LRRC19: variants seen among roughly 807,000 people sequenced by gnomAD.
LRRC19 encodes the protein leucine rich repeat containing 19.
Under a neutral mutation model 33.3 loss-of-function variants are expected in LRRC19, and 33 were observed. That is an observed-to-expected ratio of 0.99 (90% CI 0.75 to 1.33). The LOEUF (loss-of-function observed/expected upper bound fraction) is 1.33, where lower values mean the gene tolerates loss of function less well. LRRC19 is among the 40% of genes most tolerant of loss of function. The pLI, the probability that LRRC19 is intolerant of heterozygous loss-of-function variation, is 0.00. For missense variants in LRRC19, 463 were observed against 417.3 expected (o/e 1.11, Z -0.95); for synonymous variants, 184 against 152.3 (o/e 1.21, Z -1.53).
rs200038799 is a variant in LRRC19 at position 26,997,862 on chromosome 9, C to T, written c.461G>A (p.Gly154Asp). ...TACATCCAAATAGCTAATCAAATTG[C>T]CTTGCAGATTCAGAAGTTTTAGGCT... ...LRSLKLLNLQ[G>D]NLISYLDVPP... Residue 154 changes from glycine (G) to aspartate (D), a missense_variant, in exon 3 of 5, where the codon GGC becomes GAC. Coordinates refer to ENST00000380055, the MANE Select transcript of LRRC19 (RefSeq NM_022901.3). 2.5e-4 allele frequency: 407 copies of T among 1,614,006 alleles called. No individual in the cohort carries two copies. Among genetic ancestry groups the T allele is most frequent in the Non-Finnish European group, 3.3e-4 (392 of 1,180,012 alleles).
Position 27,004,126 on chromosome 9 carries a change from G to A in LRRC19, c.-10+1466C>T, listed in dbSNP as rs116948667. Among the ~76,000 whole-genome samples, 73 of 152,278 alleles carry A rather than the reference G, an allele frequency of 4.8e-4. 1 individual carries two copies. The highest frequency in any genetic ancestry group is 6.8e-3 in the Middle Eastern group (2 of 294). On this transcript the variant is annotated intron_variant, in intron 1 of 4. Coordinates refer to ENST00000380055, the MANE Select transcript of LRRC19 (RefSeq NM_022901.3). ...AGTTAAAAGTTGATATGAAATAGAA[G>A]CAGGTGAAAAAAGTAATGGAGGCAA... is the stretch of plus-strand genomic sequence containing the variant.
At chr9:27,004,607 T>G (rs138393266) in intron 1 of LRRC19, among the ~76,000 whole-genome samples, 65 of 152,340 alleles carry the variant, frequency 4.3e-4, no homozygotes, top group African/African-American at 1.4e-3. Context: ...ATGCAGAAAT[T>G]ATCCATCAGT....
In LRRC19 at chr9:26,995,683, T is replaced by C; in HGVS notation, c.951A>G (p.Glu317=). Residue 317 remains glutamate (E), a synonymous_variant, in exon 5 of 5, where the codon GAA becomes GAG. Coordinates refer to ENST00000380055, the MANE Select transcript of LRRC19 (RefSeq NM_022901.3). The stretch of plus-strand genomic sequence containing the variant: ...AGCTTGGATTTCCAGTAAAACCATC[T>C]TCATAGGTTTCTGCTTCATGCTCTT... ...RLEEHEAETY[E]DGFTGNPSSL... 1.2e-6 allele frequency: 2 copies of C among 1,613,946 alleles called. No homozygotes were observed. Among genetic ancestry groups the C allele is most frequent in the Non-Finnish European group, 1.7e-6 (2 of 1,179,900 alleles).
At chr9:27,001,610 G>A (rs1477999730) in intron 1 of LRRC19, among the ~76,000 whole-genome samples, 1 of 152,094 alleles carries the variant, frequency 6.6e-6, no homozygotes, top group East Asian at 1.9e-4. Flanking sequence ...TGTGTTTTTT[G>A]AGAAATATCT....
rs1828165440 is a variant in LRRC19, at chr9:26,996,492, C to G, written c.603G>C (p.Glu201Asp). The change falls in exon 4 of 5, where the codon GAG (glutamate) becomes GAC (aspartate). Residue 201 changes from glutamate (E) to aspartate (D), a missense_variant. Physicochemically the swap from Glu to Asp is conservative, Grantham distance 45. Coordinates refer to ENST00000380055, the MANE Select transcript of LRRC19 (RefSeq NM_022901.3). ...LNTSNVTLEN[E>D]NITMCSYPNS... ...TGGGGTAGCTACACATGGTGATGTT[C>G]TCATTTTCTAGTAAATCAGAAAGAA... The G allele has an allele frequency of 7.0e-7, 1 of 1,435,062 alleles. No homozygotes were observed. The highest frequency in any genetic ancestry group is 1.4e-5 in the African/African-American group (1 of 69,710). 88.9% of individuals were successfully genotyped at this position (1,435,062 alleles called of 1,614,324 possible). A position where few individuals can be genotyped will look rare whatever the true frequency, so the allele number is the denominator to read the frequency against.
intron 1 of LRRC19, among the ~76,000 whole-genome samples, chr9:27,004,301 A>G (rs1413095196): frequency 6.6e-6 from 1 of 152,192 alleles, no homozygotes; most frequent in Non-Finnish European, 1.5e-5. Context: ...TTTCCTTTCC[A>G]TTGGATAGAT....
At position 26,995,706 on chromosome 9, in the gene LRRC19, C is replaced by G. The variant is rs1828115614; in HGVS notation, c.928G>C (p.Glu310Gln). 1 of 1,613,836 alleles carries G rather than the reference C, an allele frequency of 6.2e-7. No homozygotes were observed. Among genetic ancestry groups the G allele is most frequent in the Non-Finnish European group, 8.5e-7 (1 of 1,179,890 alleles). Reference sequence around the variant, plus strand: ...TCTTCATAGGTTTCTGCTTCATGCTCTTCCAGGCGATGATGATTATAACTA... The same window carrying G: ...TCTTCATAGGTTTCTGCTTCATGCTGTTCCAGGCGATGATGATTATAACTA... ...LLSYNHHRLE[E>Q]HEAETYEDGF... Residue 310 changes from glutamate (E) to glutamine (Q), a missense_variant, in exon 5 of 5, where the codon GAG becomes CAG. By Grantham distance (29) the Glu-to-Gln change is conservative (BLOSUM62 2). Coordinates refer to ENST00000380055, the MANE Select transcript of LRRC19 (RefSeq NM_022901.3).
chr9:26,995,957 A>G (rs558916532), intron 4 of LRRC19, 108 bp from the exon 5 acceptor site: 2 of 797,560 alleles, frequency 2.5e-6, no homozygotes, highest in East Asian at 2.7e-5. Flanking sequence ...AAAAATAAAC[A>G]TACATTGTAG....
chr9:27,003,936 A>G (rs1450078824), intron 1 of LRRC19, among the ~76,000 whole-genome samples: 1 of 152,212 alleles, frequency 6.6e-6, no homozygotes, highest in Non-Finnish European at 1.5e-5. Context: ...GGCTTGTTTC[A>G]GTATTTCTCA....
chr9:26,999,428 G>A (rs891765484), intron 2 of LRRC19, among the ~76,000 whole-genome samples, 186 bp downstream of exon 2: 30 of 152,058 alleles, frequency 2.0e-4, no homozygotes, highest in Admixed American at 1.2e-3. Context: ...AACTTTTAAA[G>A]AACTCAGTTT....
chr9:26,996,586 A>G, intron 3 of LRRC19, 87 bp from the exon 4 acceptor site: 1 of 962,422 alleles, frequency 1.0e-6, no homozygotes, highest in East Asian at 3.1e-5. Flanking sequence ...AATTTTTGAC[A>G]TATTTGTCAT....
rs146276366 is a variant in LRRC19, at chr9:27,005,296, T to C, written c.-10+296A>G. ...AGTGTCACTTCAGAATGCTCTGTGATTAACATATTTTAAAATAAAAATTCT... is the reference window on the plus strand; with the variant it reads ...AGTGTCACTTCAGAATGCTCTGTGACTAACATATTTTAAAATAAAAATTCT... On this transcript the variant is annotated intron_variant, in intron 1 of 4. Transcript: ENST00000380055. 1.4e-4 allele frequency among the ~76,000 whole-genome samples: 21 copies of C among 149,408 alleles called. No homozygotes were observed. In the East Asian group the frequency reaches 3.8e-3, roughly 27 times the overall value.
In LRRC19 at chr9:27,002,830, G is replaced by A. The variant is rs75058784; in HGVS notation, c.-10+2762C>T. On this transcript the variant is annotated intron_variant, in intron 1 of 4. Transcript: ENST00000380055. ...TTTTTTTTCTACTTCTATGAAGAGC[G>A]TCACTGTATTTTGATAGGAATTGCA... Among the ~76,000 whole-genome samples, 1,441 of 152,168 alleles carry A rather than the reference G, an allele frequency of 9.5e-3. 22 individuals are homozygous for A. The highest frequency in any genetic ancestry group is 0.029 in the African/African-American group (1,217 of 41,510).
intron 2 of LRRC19, among the ~76,000 whole-genome samples, chr9:26,999,013 A>ATCAG (rs1174313198): frequency 3.9e-5 from 6 of 152,180 alleles, no homozygotes; most frequent in Admixed American, 3.9e-4. Context: ...CAATCAATCA[A>ATCAG]TCAGTCTGAA....
At chr9:26,996,547 TAAC>T (rs771104494) in intron 3 of LRRC19, 48 bp from the exon 4 acceptor site, 11 of 1,203,204 alleles carry the variant, frequency 9.1e-6, no homozygotes, top group Non-Finnish European at 1.1e-5. Context: ...AAATAATAGT[TAAC>T]AACATTTTAT....
At chr9:27,004,497 C>T (rs768168782) in intron 1 of LRRC19, among the ~76,000 whole-genome samples, 1 of 152,196 alleles carries the variant, frequency 6.6e-6, no homozygotes, top group Admixed American at 6.5e-5. Flanking sequence ...TGTCGATTAT[C>T]ATGACACTGA....
chr9:26,995,895 G>T, intron 4 of LRRC19, 46 bp from the exon 5 acceptor site: 1 of 1,368,414 alleles, frequency 7.3e-7, no homozygotes, highest in Non-Finnish European at 1.0e-6. Context: ...AATTTGTTAA[G>T]TTGGCAAAAT....
intron 1 of LRRC19, among the ~76,000 whole-genome samples, chr9:27,003,678 C>T (rs1828624269): frequency 6.6e-6 from 1 of 152,164 alleles, no homozygotes. Flanking sequence ...TCCATTTATG[C>T]ACATTCCCCT....
In LRRC19 at chr9:27,001,001, T is replaced by C. The variant is rs1380410702; in HGVS notation, c.-9-1298A>G. The stretch of plus-strand genomic sequence containing the variant: ...CCTCTGGTAACCACTAGTCTACTCT[T>C]AATCTATATGAGGTCCACTTTTTTA... On this transcript the variant is annotated intron_variant, in intron 1 of 4. Coordinates refer to ENST00000380055, the MANE Select transcript of LRRC19 (RefSeq NM_022901.3). 2.0e-5 allele frequency among the ~76,000 whole-genome samples: 3 copies of C among 152,188 alleles called. No individual in the cohort carries two copies. In the East Asian group the frequency reaches 5.8e-4, roughly 29 times the overall value.
Sources: gnomAD v4.1 joint callset for allele counts (sites outside exome capture counted in the v4.1 genomes callset) on GRCh38, gnomAD v4.1.1 for gene constraint, MANE v1.5 for transcripts, NCBI Gene and HGNC (gene_info 2026-07-23, HGNC 2026-07-21) for gene names.